Variants in LY96 observed in about 807,000 individuals in gnomAD.
LY96 encodes the protein lymphocyte antigen 96.
LY96 carries 18 observed loss-of-function variants against 18.9 expected under a neutral mutation model. The ratio of observed to expected loss-of-function variants is 0.95; its 90% CI spans 0.66 to 1.41. The LOEUF is 1.41. Among genes scored for constraint, LY96 ranks in the 40% most tolerant of loss-of-function variants. The pLI is 0.00. For synonymous variants in LY96, 66 were observed against 62.6 expected (o/e 1.06, Z -0.26); for missense variants, 175 against 182.4 (o/e 0.96, Z 0.23).
the LY96 span, among the ~76,000 whole-genome samples, chr8:74,054,652 CTTTCTTTCT>C: frequency 1.6e-5 from 2 of 128,852 alleles, no homozygotes; most frequent in African/African-American, 5.8e-5. Flanking sequence ...TTCTTTCTTT[CTTTCTTTCT>C]TTCTTTCTTT....
At chr8:74,023,920 C>G (rs1034306791) in intron 3 of LY96, among the ~76,000 whole-genome samples, 2 of 152,128 alleles carry the variant, frequency 1.3e-5, no homozygotes, top group Non-Finnish European at 2.9e-5. Flanking sequence ...TATGGCAAGT[C>G]TAGAGAGAGA....
chr8:74,008,956 G>T (rs566248761), intron 2 of LY96, among the ~76,000 whole-genome samples: 1 of 152,318 alleles, frequency 6.6e-6, no homozygotes, highest in South Asian at 2.1e-4. Flanking sequence ...AAAGGAGCAG[G>T]CAGTTCTGTT....
At chr8:74,025,519 G>T (rs536849298) in intron 3 of LY96, among the ~76,000 whole-genome samples, 5 of 152,110 alleles carry the variant, frequency 3.3e-5, no homozygotes, top group South Asian at 2.1e-4. Flanking sequence ...GCCAGGCGTA[G>T]TGGTGGGTGT....
the LY96 span, among the ~76,000 whole-genome samples, chr8:74,037,293 C>T: frequency 6.6e-6 from 1 of 151,994 alleles, no homozygotes; most frequent in South Asian, 2.1e-4. Flanking sequence ...GGGAATTAGC[C>T]TCTGGATGAA....
chr8:74,050,814 G>A, the LY96 span, among the ~76,000 whole-genome samples: 4 of 152,130 alleles, frequency 2.6e-5, no homozygotes, highest in Admixed American at 1.3e-4. Context: ...ACGAGGTCAG[G>A]AGTTTGAGAC....
chr8:74,054,622 T>TCTTTCTTTC, the LY96 span, among the ~76,000 whole-genome samples: 2 of 83,764 alleles, frequency 2.4e-5, no homozygotes, highest in South Asian at 1.1e-3. Context: ...TTTTCCTTCT[T>TCTTTCTTTC]TCTTTCTTTC....
intron 4 of LY96, among the ~76,000 whole-genome samples, chr8:74,028,311 C>T (rs1006516973): frequency 3.3e-5 from 5 of 151,994 alleles, no homozygotes; most frequent in African/African-American, 4.8e-5. Flanking sequence ...CATTTTTTTC[C>T]GCTTCATTTT....
the LY96 span, among the ~76,000 whole-genome samples, chr8:74,069,856 C>G: frequency 6.6e-6 from 1 of 152,204 alleles, no homozygotes; most frequent in Non-Finnish European, 1.5e-5. Flanking sequence ...CCTGCCTTGG[C>G]CTCCCAAAGT....
chr8:74,009,648 CCTTTT>C (rs1186345056), intron 2 of LY96, among the ~76,000 whole-genome samples: 1 of 152,142 alleles, frequency 6.6e-6, no homozygotes. Context: ...TCCTTCCTTT[CCTTTT>C]CTTTTCTTTT....
At chr8:74,073,221 T>G in the LY96 span, among the ~76,000 whole-genome samples, 5,249 of 152,220 alleles carry the variant, frequency 0.034, 228 homozygotes, top group Admixed American at 0.09. Flanking sequence ...CCCATACACC[T>G]GGCTCAGGAG....
chr8:74,086,047 C>G, the LY96 span, among the ~76,000 whole-genome samples: 4 of 152,158 alleles, frequency 2.6e-5, no homozygotes, highest in South Asian at 2.1e-4. Context: ...CCAACCACCC[C>G]CCTCCCAGCC....
chr8:73,993,696 G>A (rs1240531131), intron 1 of LY96, among the ~76,000 whole-genome samples: 2 of 152,126 alleles, frequency 1.3e-5, no homozygotes, highest in African/African-American at 4.8e-5. Flanking sequence ...GCCCACCTTG[G>A]CCTCCCAAAG....
At chr8:74,012,557 G>T (rs1185018853) in intron 3 of LY96, among the ~76,000 whole-genome samples, 1 of 152,082 alleles carries the variant, frequency 6.6e-6, no homozygotes, top group African/African-American at 2.4e-5. Flanking sequence ...TGTAAAATTA[G>T]TTAATGGGTA....
the LY96 span, among the ~76,000 whole-genome samples, chr8:74,054,612 T>TTTTTC: frequency 4.3e-5 from 3 of 69,722 alleles, no homozygotes; most frequent in African/African-American, 5.7e-5. Context: ...TCTTGTTTCC[T>TTTTTC]TTTCCTTCTT....
chr8:74,078,989 G>A, the LY96 span, among the ~76,000 whole-genome samples: 309 of 152,258 alleles, frequency 2.0e-3, 1 homozygote, highest in African/African-American at 6.4e-3. Flanking sequence ...GCTAAGGGAT[G>A]CTCAGATAGC....
the LY96 span, among the ~76,000 whole-genome samples, chr8:74,089,205 CTG>C: frequency 6.6e-6 from 1 of 152,348 alleles, no homozygotes; most frequent in East Asian, 1.9e-4. Flanking sequence ...GGGCCATGCC[CTG>C]TGAGAACTGT....
the LY96 span, among the ~76,000 whole-genome samples, chr8:74,061,226 G>A: frequency 1.8e-4 from 27 of 152,306 alleles, no homozygotes; most frequent in African/African-American, 6.5e-4. Flanking sequence ...AGGAGGTGGG[G>A]CCTTTGGGAG....
chr8:74,008,035 C>A (rs1816451059), intron 2 of LY96, among the ~76,000 whole-genome samples: 1 of 152,238 alleles, frequency 6.6e-6, no homozygotes, highest in South Asian at 2.1e-4. Flanking sequence ...GCTAGGATTA[C>A]AGGCGTGAGC....
chr8:74,097,976 T>A, the LY96 span, among the ~76,000 whole-genome samples: 4 of 152,136 alleles, frequency 2.6e-5, no homozygotes, highest in African/African-American at 9.7e-5. Context: ...TACTACATAA[T>A]GTTGGTTAAA....
Sources: allele counts gnomAD v4.1 joint callset (sites outside exome capture counted in the v4.1 genomes callset), GRCh38; gene constraint gnomAD v4.1.1; transcripts MANE v1.5; gene names NCBI Gene and HGNC (gene_info 2026-07-23, HGNC 2026-07-21).